The following MARCHF1 variants were observed in gnomAD, a reference collection of about 807,000 sequenced individuals.
MARCHF1 encodes the protein E3 ubiquitin-protein ligase MARCHF1.
Under a neutral mutation model 54.2 loss-of-function variants are expected in MARCHF1, and 40 were observed. The ratio of observed to expected loss-of-function variants is 0.74; its 90% CI spans 0.57 to 0.96. MARCHF1 has a LOEUF of 0.96. Among genes scored for constraint, MARCHF1 ranks in the 40% least tolerant of loss-of-function variants. The pLI, the probability that MARCHF1 is intolerant of heterozygous loss-of-function variation, is 0.00. For synonymous variants in MARCHF1, 236 were observed against 236.3 expected (o/e 1.00, Z 0.01); for missense variants, 586 against 656.5 (o/e 0.89, Z 1.17).
intron 4 of MARCHF1, among the ~76,000 whole-genome samples, chr4:163,773,862 A>G (rs1747227403): frequency 6.6e-6 from 1 of 152,204 alleles, no homozygotes; most frequent in Non-Finnish European, 1.5e-5. Context: ...AGATAAGTTC[A>G]TAAACATTTT....
chr4:163,929,979 AT>A (rs1751631187), intron 3 of MARCHF1, among the ~76,000 whole-genome samples: 1 of 130,656 alleles, frequency 7.7e-6, no homozygotes, highest in Non-Finnish European at 1.6e-5. Flanking sequence ...TATAATATAT[AT>A]AATATATATA....
In MARCHF1 at chr4:163,832,659, T is replaced by C. The variant is rs886609526; in HGVS notation, c.111+21362A>G. Among the ~76,000 whole-genome samples, 6 of 151,372 alleles carry C rather than the reference T, an allele frequency of 4.0e-5. 1 individual carries two copies. The highest frequency in any genetic ancestry group is 1.3e-4 in the Admixed American group (2 of 15,170). On this transcript the variant is annotated intron_variant, in intron 4 of 9. Coordinates refer to ENST00000514618, the MANE Select transcript of MARCHF1 (RefSeq NM_001394959.1). ...AACGTGCAGGTTAGTTACATATGTA[T>C]ACATGTGCCATGTTGGTGTGTTGCA... is the stretch of plus-strand genomic sequence containing the variant.
At chr4:163,846,393 T>C (rs1242906185) in intron 4 of MARCHF1, among the ~76,000 whole-genome samples, 1 of 152,198 alleles carries the variant, frequency 6.6e-6, no homozygotes, top group Admixed American at 6.5e-5. Flanking sequence ...ACAGAGGCTA[T>C]GTTTGCGGGG....
chr4:164,034,104 T>TAGATAGACAGATAGAC (rs70948692), intron 2 of MARCHF1, among the ~76,000 whole-genome samples: 2 of 141,666 alleles, frequency 1.4e-5, no homozygotes, highest in South Asian at 4.5e-4. Context: ...GATAGATAGA[T>TAGATAGACAGATAGAC]AGATAGATAG....
chr4:163,607,881 T>C (rs939561170), intron 7 of MARCHF1, among the ~76,000 whole-genome samples: 1 of 152,078 alleles, frequency 6.6e-6, no homozygotes, highest in African/African-American at 2.4e-5. Flanking sequence ...TCCAGGAATC[T>C]GCATTTTAAC....
chr4:163,882,530 T>C (rs1750439272), intron 3 of MARCHF1, among the ~76,000 whole-genome samples: 1 of 152,206 alleles, frequency 6.6e-6, no homozygotes, highest in South Asian at 2.1e-4. Flanking sequence ...TCTGTGAAAT[T>C]GTTTAAATGT....
chr4:164,216,877 A>G (rs375289868), intron 1 of MARCHF1, among the ~76,000 whole-genome samples: 21 of 152,354 alleles, frequency 1.4e-4, no homozygotes, highest in Admixed American at 4.6e-4. Context: ...AATATGTACT[A>G]TAACCCAAGA....
intron 5 of MARCHF1, among the ~76,000 whole-genome samples, chr4:163,673,420 A>G (rs940605858): frequency 2.6e-5 from 4 of 152,140 alleles, no homozygotes; most frequent in African/African-American, 7.2e-5. Flanking sequence ...TTATTTTGTT[A>G]TTCTTTTTCT....
In MARCHF1 at chr4:163,612,411, T is replaced by C. The variant is rs1205140906; in HGVS notation, c.870A>G (p.Ser290=). The C allele has an allele frequency of 1.3e-6, 2 of 1,535,508 alleles. No individual in the cohort carries two copies. The highest frequency in any genetic ancestry group is 2.4e-5 in the South Asian group (2 of 84,034). Residue 290 remains serine (S), a synonymous_variant, in exon 7 of 10, where the codon TCA becomes TCG. Coordinates refer to ENST00000514618, the MANE Select transcript of MARCHF1 (RefSeq NM_001394959.1). ...GTATTTCAGTGCTGGAATCTGTTTC[T>C]GAAAATGTCTTCTTCATTATTTCAT... The part of the protein sequence containing the change: ...RKNEIMKKTF[S]ETDSSTEILG...
At chr4:163,610,536 T>C (rs1741303042) in intron 7 of MARCHF1, among the ~76,000 whole-genome samples, 1 of 152,078 alleles carries the variant, frequency 6.6e-6, no homozygotes, top group Admixed American at 6.6e-5. Flanking sequence ...ACAACTAGCT[T>C]CTTTGACTGT....
chr4:163,614,730 A>G (rs1741457383), intron 5 of MARCHF1, among the ~76,000 whole-genome samples: 2 of 152,120 alleles, frequency 1.3e-5, no homozygotes, highest in Admixed American at 1.3e-4. Flanking sequence ...TTTATGGTAA[A>G]AGGGACTTTG....
intron 5 of MARCHF1, among the ~76,000 whole-genome samples, chr4:163,654,825 C>T (rs988077806): frequency 2.6e-5 from 4 of 151,632 alleles, no homozygotes; most frequent in Admixed American, 2.6e-4. Context: ...TCAATTTAAT[C>T]TCTGTTTCAT....
chr4:164,085,213 A>G (rs1214309833), intron 2 of MARCHF1, among the ~76,000 whole-genome samples: 2 of 151,840 alleles, frequency 1.3e-5, no homozygotes, highest in Non-Finnish European at 3.0e-5. Flanking sequence ...AGCAAAATTC[A>G]TATTTAACAA....
intron 1 of MARCHF1, chr4:164,197,778 C>T (rs879495948): frequency 1.1e-5 from 17 of 1,605,382 alleles, no homozygotes; most frequent in East Asian, 2.2e-5. Flanking sequence ...CTCGAACCCA[C>T]GGCCGCACGT....
intron 1 of MARCHF1, among the ~76,000 whole-genome samples, chr4:164,379,564 C>A (rs1731304997): frequency 6.6e-6 from 1 of 152,124 alleles, no homozygotes; most frequent in Non-Finnish European, 1.5e-5. Flanking sequence ...TTATACCTAG[C>A]AATATATAGA....
intron 4 of MARCHF1, among the ~76,000 whole-genome samples, chr4:163,729,502 TTATTAAC>T (rs1745766394): frequency 6.6e-6 from 1 of 152,230 alleles, no homozygotes; most frequent in Middle Eastern, 3.4e-3. Context: ...TCTTAGAAAG[TTATTAAC>T]TATTGACTCC....
At chr4:164,304,108 G>T (rs1275385354) in intron 1 of MARCHF1, among the ~76,000 whole-genome samples, 1 of 152,198 alleles carries the variant, frequency 6.6e-6, no homozygotes, top group East Asian at 1.9e-4. Context: ...TGTAAGCCAT[G>T]AAATAGTACA....
intron 3 of MARCHF1, among the ~76,000 whole-genome samples, chr4:163,908,274 A>T (rs1038992111): frequency 2.0e-5 from 3 of 152,154 alleles, no homozygotes; most frequent in African/African-American, 7.2e-5. Flanking sequence ...TCAGTCAACA[A>T]TATTAATCAT....
At chr4:163,895,013 AC>A (rs1750773661) in intron 3 of MARCHF1, among the ~76,000 whole-genome samples, 2 of 74,372 alleles carry the variant, frequency 2.7e-5, no homozygotes, top group Admixed American at 2.4e-4. Flanking sequence ...ATACACATAC[AC>A]ACACATATGC....
Sources: gnomAD v4.1 joint callset for allele counts (sites outside exome capture counted in the v4.1 genomes callset) on GRCh38, gnomAD v4.1.1 for gene constraint, MANE v1.5 for transcripts, NCBI Gene and HGNC (gene_info 2026-07-23, HGNC 2026-07-21) for gene names.